MPRIP: variants seen among roughly 807,000 people sequenced by gnomAD.
MPRIP encodes myosin phosphatase Rho interacting protein, also known as myosin phosphatase Rho-interacting protein.
MPRIP carries 59 observed loss-of-function variants against 234.9 expected under a neutral mutation model. The ratio of observed to expected loss-of-function variants is 0.25; its 90% CI spans 0.20 to 0.31. The LOEUF (loss-of-function observed/expected upper bound fraction) is 0.31, where lower values mean the gene tolerates loss of function less well. Ranked by LOEUF, MPRIP falls within the 10% of genes least tolerant of loss-of-function variation. The pLI is 1.00. For synonymous variants in MPRIP, 1,144 were observed against 1,263.9 expected, an observed-to-expected ratio of 0.91 and a Z score of 2.01; for missense variants, 2,436 against 3,071.0, an observed-to-expected ratio of 0.79 and a Z score of 4.89.
chr17:17,089,374 TAC>T (rs1408899966), intron 3 of MPRIP, among the ~76,000 whole-genome samples: 1 of 152,226 alleles, frequency 6.6e-6, no homozygotes, highest in East Asian at 1.9e-4. Context: ...CTGTCACCAC[TAC>T]AGTCTCTTGC....
chr17:17,059,548 C>T (rs537870798), intron 1 of MPRIP, among the ~76,000 whole-genome samples: 7 of 152,350 alleles, frequency 4.6e-5, no homozygotes, highest in Non-Finnish European at 8.8e-5. Flanking sequence ...TTCCCACAGA[C>T]GGTGTCCCCT....
Position 17,042,832 on chromosome 17 carries a change from T to A in MPRIP, c.-17T>A. The A allele has an allele frequency of 6.9e-7, 1 of 1,459,270 alleles. No homozygotes were observed. Among genetic ancestry groups the A allele is most frequent in the Non-Finnish European group, 9.1e-7 (1 of 1,097,404 alleles). 90.4% of individuals were successfully genotyped at this position (1,459,270 alleles called of 1,614,324 possible). ...GCCTGCGCCGCCGCCGCCGCCGCCG[T>A]CGCCGCCGCGCCGACCATGTCGGCA... On this transcript the variant is annotated 5_prime_UTR_variant, in exon 1 of 24. Coordinates refer to ENST00000651222, the MANE Select transcript of MPRIP (RefSeq NM_001364716.4).
At chr17:17,169,538 A>T (rs535722714) in intron 16 of MPRIP, among the ~76,000 whole-genome samples, 1 of 152,332 alleles carries the variant, frequency 6.6e-6, no homozygotes, top group South Asian at 2.1e-4. Context: ...TGTCACTAGG[A>T]GGGAGAAACA....
intron 5 of MPRIP, among the ~76,000 whole-genome samples, chr17:17,133,512 A>G (rs771370039): frequency 1.3e-5 from 2 of 152,200 alleles, no homozygotes; most frequent in African/African-American, 2.4e-5. Context: ...TCACACCTTC[A>G]GAGCACCTGG....
intron 3 of MPRIP, among the ~76,000 whole-genome samples, chr17:17,105,765 C>G (rs547187925): frequency 6.6e-6 from 1 of 152,226 alleles, no homozygotes. Context: ...AATTCCAGCT[C>G]AGCCATTACC....
At chr17:17,064,077 G>A (rs2088946095) in intron 1 of MPRIP, among the ~76,000 whole-genome samples, 1 of 152,206 alleles carries the variant, frequency 6.6e-6, no homozygotes, top group South Asian at 2.1e-4. Flanking sequence ...CAGAGCATAC[G>A]CGGTGCAGCT....
chr17:17,117,485 A>T (rs2090308917), intron 3 of MPRIP, among the ~76,000 whole-genome samples: 1 of 152,252 alleles, frequency 6.6e-6, no homozygotes, highest in Non-Finnish European at 1.5e-5. Flanking sequence ...GACTGGCTTC[A>T]TTCACTTAGC....
At chr17:17,150,939 A>G (rs1024322158) in intron 12 of MPRIP, among the ~76,000 whole-genome samples, 1 of 151,886 alleles carries the variant, frequency 6.6e-6, no homozygotes, top group Non-Finnish European at 1.5e-5. Flanking sequence ...TCGAAATCCT[A>G]GACTCTAACG....
rs147071133 is a variant in MPRIP at position 17,161,307 on chromosome 17, G to A, written c.2468G>A (p.Arg823Lys). The A allele has an allele frequency of 8.7e-5, 138 of 1,594,898 alleles. No individual in the cohort carries two copies. In the African/African-American group the frequency reaches 1.2e-3, roughly 14 times the overall value. The change falls in exon 15 of 24, where the codon AGG becomes AAG. Residue 823 changes from arginine to lysine, a missense_variant. Arg to Lys is a conservative substitution (Grantham distance 26, BLOSUM62 2). Coordinates refer to ENST00000651222, the MANE Select transcript of MPRIP (RefSeq NM_001364716.4). ...AACCGGCTCCTGCAGGACCAGCTGA[G>A]GGTGGCCCTGGGCCGGGAGCAGAGC... is the stretch of plus-strand genomic sequence containing the variant. Reference protein sequence around the residue: ...EQNRLLQDQLRVALGREQSAR... With the variant: ...EQNRLLQDQLKVALGREQSAR...
chr17:17,133,013 T>C (rs937005651), intron 5 of MPRIP, among the ~76,000 whole-genome samples: 13 of 152,108 alleles, frequency 8.5e-5, no homozygotes, highest in Admixed American at 7.9e-4. Context: ...CTGCCTCTAA[T>C]AAGGTAACTC....
At position 17,135,816 on chromosome 17, in the gene MPRIP, G is replaced by A. The variant is rs914541930; in HGVS notation, c.505-403G>A. Among the ~76,000 whole-genome samples, 4 of 152,152 alleles carry A rather than the reference G, an allele frequency of 2.6e-5. No homozygotes were observed. In the South Asian group the frequency reaches 6.2e-4, roughly 24 times the overall value. The stretch of plus-strand genomic sequence containing the variant: ...CCATAGCATTTAATTTGCATCTGAC[G>A]ACTCTTTCCTTCACATAGCGTCTGG... On this transcript the variant is annotated intron_variant, in intron 5 of 23. Transcript: ENST00000651222.
chr17:17,147,137 G>A (rs920587356), intron 10 of MPRIP, among the ~76,000 whole-genome samples, 182 bp from the exon 11 acceptor site: 12 of 151,632 alleles, frequency 7.9e-5, no homozygotes, highest in Admixed American at 1.3e-4. Flanking sequence ...GGGTGTGAGC[G>A]CATGGCTGCC....
chr17:17,079,306 A>C (rs1405640560), intron 3 of MPRIP, among the ~76,000 whole-genome samples: 2 of 152,242 alleles, frequency 1.3e-5, no homozygotes, highest in Non-Finnish European at 2.9e-5. Flanking sequence ...ATATTTGTAC[A>C]TCATGATTAG....
Position 17,158,753 on chromosome 17 carries a change from C to G in MPRIP, c.2151C>G (p.Leu717=). 1 of 1,611,452 alleles carries G rather than the reference C, an allele frequency of 6.2e-7. No homozygotes were observed. The highest frequency in any genetic ancestry group is 1.1e-5 in the South Asian group (1 of 91,026). The change falls in exon 14 of 24, where the codon CTC becomes CTG. Residue 717 remains leucine, a synonymous_variant. Coordinates refer to ENST00000651222, the MANE Select transcript of MPRIP (RefSeq NM_001364716.4). ...AGCGCCGCAAGCGCTTCGGGATGCT[C>G]GACGCCACAGACGGGCCAGGCACTG... ...REERRKRFGM[L]DATDGPGTED...
At chr17:17,114,905 G>A (rs930004021) in intron 3 of MPRIP, among the ~76,000 whole-genome samples, 1 of 152,214 alleles carries the variant, frequency 6.6e-6, no homozygotes, top group Admixed American at 6.5e-5. Context: ...GGCAGCAAGT[G>A]AAAAAGGTCC....
At chr17:17,162,418 G>A (rs1213771383) in intron 15 of MPRIP, among the ~76,000 whole-genome samples, 1 of 152,230 alleles carries the variant, frequency 6.6e-6, no homozygotes, top group Non-Finnish European at 1.5e-5. Context: ...GCTGGCCTCT[G>A]ACCATAGTCT....
At chr17:17,146,127 T>C in intron 10 of MPRIP, 35 bp downstream of exon 10, 1 of 1,602,512 alleles carries the variant, frequency 6.2e-7, no homozygotes. Context: ...CCCTGAGGGA[T>C]CTGGGGACAG....
chr17:17,055,775 A>G (rs1020976226), intron 1 of MPRIP, among the ~76,000 whole-genome samples: 10 of 152,068 alleles, frequency 6.6e-5, no homozygotes, highest in African/African-American at 2.2e-4. Context: ...CTGGCCTTCT[A>G]TGGTGTGGAG....
At chr17:17,122,589 G>A (rs1337033812) in intron 3 of MPRIP, among the ~76,000 whole-genome samples, 7 of 152,176 alleles carry the variant, frequency 4.6e-5, no homozygotes, top group South Asian at 2.1e-4. Context: ...TCCTGACCTC[G>A]TGATCCGCCC....
Sources: gnomAD v4.1 joint callset for allele counts (sites outside exome capture counted in the v4.1 genomes callset) on GRCh38, gnomAD v4.1.1 for gene constraint, MANE v1.5 for transcripts, NCBI Gene and HGNC (gene_info 2026-07-23, HGNC 2026-07-21) for gene names.